The following RIMS1 variants were observed in gnomAD, a reference collection of about 807,000 sequenced individuals.
RIMS1 encodes the protein regulating synaptic membrane exocytosis 1.
RIMS1 carries 83 observed loss-of-function variants against 214.1 expected under a neutral mutation model. The ratio of observed to expected loss-of-function variants is 0.39; its 90% confidence interval spans 0.32 to 0.47. The LOEUF is 0.47. Ranked by LOEUF, RIMS1 falls within the 20% of genes least tolerant of loss-of-function variation. RIMS1 has a pLI of 0.99. For missense variants in RIMS1, 2,050 were observed against 2,161.8 expected, an observed-to-expected ratio of 0.95 and a Z score of 1.03; for synonymous variants, 793 against 786.8, an observed-to-expected ratio of 1.01 and a Z score of -0.13.
At chr6:72,229,388 T>C (rs187546294) in intron 6 of RIMS1, among the ~76,000 whole-genome samples, 3 of 152,030 alleles carry the variant, frequency 2.0e-5, no homozygotes, top group African/African-American at 7.2e-5. Flanking sequence ...TACACATAGA[T>C]TTATTTATAA....
chr6:71,991,820 T>A (rs1801636053), intron 2 of RIMS1, among the ~76,000 whole-genome samples: 1 of 152,178 alleles, frequency 6.6e-6, no homozygotes, highest in Non-Finnish European at 1.5e-5. Flanking sequence ...TCCCAACACT[T>A]TGGGAGGCCA....
At chr6:72,341,729 A>G (rs1212179326) in intron 29 of RIMS1, among the ~76,000 whole-genome samples, 2 of 151,778 alleles carry the variant, frequency 1.3e-5, no homozygotes. Context: ...AGTTCTATTT[A>G]TGTATGTTAT....
chr6:72,091,867 G>A (rs1280736139), intron 2 of RIMS1, among the ~76,000 whole-genome samples: 1 of 152,112 alleles, frequency 6.6e-6, no homozygotes, highest in African/African-American at 2.4e-5. Context: ...AGAATATATT[G>A]TTAATTCTAA....
chr6:72,305,313 G>A (rs1178835995), intron 26 of RIMS1, among the ~76,000 whole-genome samples: 4 of 152,146 alleles, frequency 2.6e-5, no homozygotes, highest in Non-Finnish European at 4.4e-5. Flanking sequence ...TAAAAGTGAA[G>A]CTTGCAAAGC....
At chr6:72,095,649 G>A (rs2031340555) in intron 2 of RIMS1, among the ~76,000 whole-genome samples, 1 of 152,168 alleles carries the variant, frequency 6.6e-6, no homozygotes, top group Non-Finnish European at 1.5e-5. Context: ...AATCACAGAA[G>A]TTCTGCTTAA....
intron 28 of RIMS1, among the ~76,000 whole-genome samples, chr6:72,315,093 G>A (rs2095700158): frequency 6.6e-6 from 1 of 152,122 alleles, no homozygotes; most frequent in Admixed American, 6.6e-5. Context: ...AATGACAAGA[G>A]ACTATGATTT....
At chr6:72,140,374 G>A (rs2041937398) in intron 4 of RIMS1, among the ~76,000 whole-genome samples, 1 of 152,092 alleles carries the variant, frequency 6.6e-6, no homozygotes, top group South Asian at 2.1e-4. Flanking sequence ...GCTACAGTCT[G>A]TAAGGAGGTT....
chr6:72,152,846 G>T (rs1217015822), intron 4 of RIMS1, among the ~76,000 whole-genome samples: 6 of 52,372 alleles, frequency 1.1e-4, no homozygotes, highest in South Asian at 5.5e-4. Context: ...ATGTATATAT[G>T]GAATATATGT....
chr6:72,009,901 G>A (rs1809675459), intron 2 of RIMS1, among the ~76,000 whole-genome samples: 1 of 152,150 alleles, frequency 6.6e-6, no homozygotes, highest in Non-Finnish European at 1.5e-5. Context: ...GAGGTACAAG[G>A]AAGAGCTGGT....
chr6:72,250,536 GT>G, intron 13 of RIMS1, 76 bp downstream of exon 13: 1 of 1,102,306 alleles, frequency 9.1e-7, no homozygotes, highest in Admixed American at 2.8e-5. Flanking sequence ...CTTTTGGGAT[GT>G]TTTTAAAAAA....
At chr6:72,048,438 T>G (rs1173078105) in intron 2 of RIMS1, among the ~76,000 whole-genome samples, 1 of 152,166 alleles carries the variant, frequency 6.6e-6, no homozygotes, top group African/African-American at 2.4e-5. Context: ...AAGCTGACAA[T>G]AATATGTTTT....
At chr6:72,235,240 A>G (rs2063545288) in intron 7 of RIMS1, among the ~76,000 whole-genome samples, 1 of 151,970 alleles carries the variant, frequency 6.6e-6, no homozygotes, top group African/African-American at 2.4e-5. Context: ...AGCTTTTGGA[A>G]ACTATATATT....
At chr6:71,937,214 A>G (rs1319718484) in intron 1 of RIMS1, among the ~76,000 whole-genome samples, 1 of 152,192 alleles carries the variant, frequency 6.6e-6, no homozygotes, top group East Asian at 1.9e-4. Flanking sequence ...TATAAAGAAT[A>G]GAAATGTATT....
At chr6:72,010,924 A>G (rs1026180586) in intron 2 of RIMS1, among the ~76,000 whole-genome samples, 1 of 152,030 alleles carries the variant, frequency 6.6e-6, no homozygotes, top group Non-Finnish European at 1.5e-5. Context: ...TATAGATTCA[A>G]TGCCATCCCC....
At chr6:72,262,005 T>A (rs940174372) in intron 19 of RIMS1, 2 of 984,760 alleles carry the variant, frequency 2.0e-6, no homozygotes, top group Non-Finnish European at 2.4e-6. Flanking sequence ...TTCTGAAAGT[T>A]TTCTCACACT....
chr6:72,208,259 A>C (rs1470343093), intron 6 of RIMS1, among the ~76,000 whole-genome samples: 1 of 152,216 alleles, frequency 6.6e-6, no homozygotes, highest in Non-Finnish European at 1.5e-5. Flanking sequence ...TCATCTGTTC[A>C]TTAAGTGGAT....
At chr6:72,272,225 G>C (rs1464703960) in intron 22 of RIMS1, among the ~76,000 whole-genome samples, 1 of 152,148 alleles carries the variant, frequency 6.6e-6, no homozygotes, top group African/African-American at 2.4e-5. Context: ...GAGTTGGGAA[G>C]AGAGATAAAG....
At chr6:72,136,190 T>C (rs2153868066) in intron 4 of RIMS1, among the ~76,000 whole-genome samples, 1 of 152,254 alleles carries the variant, frequency 6.6e-6, no homozygotes, top group East Asian at 1.9e-4. Flanking sequence ...AAATAGAATG[T>C]TAGAAGAGTT....
intron 6 of RIMS1, among the ~76,000 whole-genome samples, chr6:72,212,647 A>G (rs938049237): frequency 2.0e-5 from 3 of 152,186 alleles, no homozygotes; most frequent in African/African-American, 7.2e-5. Context: ...AGCCTTCTCC[A>G]CAAATAAGCT....
Sources: gnomAD v4.1 joint callset for allele counts (sites outside exome capture counted in the v4.1 genomes callset) on GRCh38, gnomAD v4.1.1 for gene constraint, MANE v1.5 for transcripts, NCBI Gene and HGNC (gene_info 2026-07-23, HGNC 2026-07-21) for gene names.